NAA16: variants seen among roughly 807,000 people sequenced by gnomAD.
The protein encoded by NAA16 is NARG1-like protein.
A neutral mutation model predicts 110.3 loss-of-function variants in NAA16; 97 were observed. The ratio of observed to expected loss-of-function variants is 0.88; its 90% CI spans 0.75 to 1.04. NAA16 has a LOEUF of 1.04. Among genes scored for constraint, NAA16 ranks in the 50% least tolerant of loss-of-function variants. The pLI is 0.00. For missense variants in NAA16, 1,017 were observed against 1,005.1 expected, an observed-to-expected ratio of 1.01 and a Z score of -0.16; for synonymous variants, 372 against 330.6, an observed-to-expected ratio of 1.13 and a Z score of -1.36.
Position 41,320,829 on chromosome 13 carries a change from G to C in NAA16, c.402+5G>C. ...AGAGACCTTGAAGGTTACCGAGTAA[G>C]TACTTCATTCTTAAATGTACATGAT... On this transcript the variant is annotated splice_donor_5th_base_variant and intron_variant, in intron 4 of 19. Coordinates refer to ENST00000379406, the MANE Select transcript of NAA16 (RefSeq NM_024561.5). 1 of 1,584,452 alleles carries C rather than the reference G, an allele frequency of 6.3e-7. No individual in the cohort carries two copies. The highest frequency in any genetic ancestry group is 8.5e-7 in the Non-Finnish European group (1 of 1,169,970).
intron 2 of NAA16, 98 bp from the exon 3 acceptor site, chr13:41,318,708 A>G (rs2041870377): frequency 2.1e-6 from 1 of 480,424 alleles, no homozygotes; most frequent in East Asian, 3.5e-5. Context: ...AATTGGAGCC[A>G]TAGTAATCCT....
chr13:41,373,823 C>A, intron 18 of NAA16, 43 bp downstream of exon 18: 1 of 1,538,728 alleles, frequency 6.5e-7, no homozygotes, highest in South Asian at 1.3e-5. Flanking sequence ...ATGGAAAAAG[C>A]GAACAAAGAG....
intron 13 of NAA16, among the ~76,000 whole-genome samples, chr13:41,364,401 C>A (rs1265652309): frequency 6.6e-6 from 1 of 151,988 alleles, no homozygotes; most frequent in Non-Finnish European, 1.5e-5. Flanking sequence ...TTTCATCCCC[C>A]CCCCATAAGA....
intron 14 of NAA16, 130 bp from the exon 15 acceptor site, chr13:41,368,960 T>G: frequency 1.6e-6 from 1 of 639,998 alleles, no homozygotes; most frequent in Admixed American, 3.2e-5. Flanking sequence ...GTGGACTTTG[T>G]GGGGGTGGGG....
intron 5 of NAA16, among the ~76,000 whole-genome samples, chr13:41,324,726 G>A (rs2139392797): frequency 6.6e-6 from 1 of 150,912 alleles, no homozygotes; most frequent in Admixed American, 6.6e-5. Flanking sequence ...GGATCTGACT[G>A]TGTTGCCCAG....
chr13:41,325,346 T>G (rs1392534489), intron 5 of NAA16, among the ~76,000 whole-genome samples: 1 of 152,158 alleles, frequency 6.6e-6, no homozygotes, highest in Admixed American at 6.5e-5. Context: ...CTCCAAGGTA[T>G]ACCTGTAATT....
At chr13:41,312,752 A>G (rs2041665268) in intron 1 of NAA16, among the ~76,000 whole-genome samples, 1 of 152,198 alleles carries the variant, frequency 6.6e-6, no homozygotes, top group African/African-American at 2.4e-5. Context: ...GAAACTTCAC[A>G]CTTAGTCTTC....
chr13:41,366,588 C>T (rs1194410376), intron 13 of NAA16, among the ~76,000 whole-genome samples: 1 of 152,078 alleles, frequency 6.6e-6, no homozygotes. Flanking sequence ...TTCTTAACCT[C>T]TTTTGGCCAT....
At chr13:41,373,473 G>C (rs2043363248) in intron 17 of NAA16, 164 bp from the exon 18 acceptor site, 1 of 527,022 alleles carries the variant, frequency 1.9e-6, no homozygotes, top group African/African-American at 2.1e-5. Flanking sequence ...GGCCAGGCTG[G>C]TCTCAAACTC....
At chr13:41,330,356 C>T (rs184414849) in intron 7 of NAA16, among the ~76,000 whole-genome samples, 14 of 152,034 alleles carry the variant, frequency 9.2e-5, no homozygotes, top group African/African-American at 2.9e-4. Flanking sequence ...TCTTGAATAT[C>T]AATACTTATA....
In NAA16 at chr13:41,316,847, A is replaced by C. The variant is rs1448053016; in HGVS notation, c.56A>C (p.Lys19Thr). 6.2e-7 allele frequency: 1 copy of C among 1,607,666 alleles called. No individual in the cohort carries two copies. Among genetic ancestry groups the C allele is most frequent in the Non-Finnish European group, 8.5e-7 (1 of 1,174,506 alleles). The change falls in exon 2 of 20, where the codon AAA becomes ACA. Residue 19 changes from lysine (K) to threonine (T), a missense_variant and splice_region_variant. Physicochemically the swap from Lys to Thr is moderately conservative, Grantham distance 78. Transcript: ENST00000379406. ...KESNLFKRIL[K>T]CYEQKQYKNG... ...ACTTTTGTTCATATTTCTTTACAGA[A>C]ATGTTATGAACAGAAGCAGTACAAA...
At chr13:41,358,280 A>T in intron 10 of NAA16, 24 bp from the exon 11 acceptor site, 1 of 1,584,314 alleles carries the variant, frequency 6.3e-7, no homozygotes, top group Non-Finnish European at 8.7e-7. Flanking sequence ...TTTCTATAAT[A>T]ATTTAATATT....
chr13:41,354,972 A>G (rs2042945019), intron 9 of NAA16, among the ~76,000 whole-genome samples, 172 bp from the exon 10 acceptor site: 1 of 141,720 alleles, frequency 7.1e-6, no homozygotes, highest in Non-Finnish European at 1.5e-5. Context: ...CCCTTCTCCA[A>G]AGCGGGGAAA....
intron 7 of NAA16, 98 bp downstream of exon 7, chr13:41,328,941 T>C (rs1375530447): frequency 3.8e-6 from 4 of 1,041,004 alleles, no homozygotes; most frequent in Admixed American, 2.4e-5. Context: ...ATTTTAGCAT[T>C]AGTACTCATT....
chr13:41,366,020 A>T (rs1216606809), intron 13 of NAA16, among the ~76,000 whole-genome samples: 1 of 152,186 alleles, frequency 6.6e-6, no homozygotes, highest in Non-Finnish European at 1.5e-5. Context: ...TGTGCTAGTT[A>T]TAACTTGATT....
chr13:41,374,516 G>A (rs1483547184), intron 18 of NAA16: 4 of 345,600 alleles, frequency 1.2e-5, no homozygotes, highest in East Asian at 4.8e-5. Context: ...GATTTGTAGT[G>A]TATTTTCATG....
chr13:41,350,812 A>G (rs1205196834), intron 9 of NAA16, among the ~76,000 whole-genome samples: 1 of 151,608 alleles, frequency 6.6e-6, no homozygotes, highest in Non-Finnish European at 1.5e-5. Flanking sequence ...TTTTGTAGAG[A>G]TGGGGTTTTA....
chr13:41,361,133 C>CT (rs2043104272), intron 12 of NAA16, among the ~76,000 whole-genome samples: 1 of 151,794 alleles, frequency 6.6e-6, no homozygotes, highest in Non-Finnish European at 1.5e-5. Flanking sequence ...TGTGACAAAA[C>CT]TTGAGTATCC....
At chr13:41,359,504 A>G (rs1030309312) in intron 12 of NAA16, among the ~76,000 whole-genome samples, 1 of 152,210 alleles carries the variant, frequency 6.6e-6, no homozygotes, top group African/African-American at 2.4e-5. Context: ...TAAAAATATA[A>G]GTAGACTAAT....
Sources: gnomAD v4.1 joint callset for allele counts (sites outside exome capture counted in the v4.1 genomes callset) on GRCh38, gnomAD v4.1.1 for gene constraint, MANE v1.5 for transcripts, NCBI Gene and HGNC (gene_info 2026-07-23, HGNC 2026-07-21) for gene names.